Variants in SMYD4 observed in about 807,000 individuals in gnomAD.
SMYD4 encodes SET and MYND domain containing 4.
Under a neutral mutation model 72.8 loss-of-function variants are expected in SMYD4, and 68 were observed. The observed-to-expected ratio is 0.93, with a 90% CI of 0.77 to 1.14. SMYD4 has a LOEUF of 1.14. Ranked by LOEUF, SMYD4 falls within the 50% of genes most tolerant of loss-of-function variation. The pLI is 0.00. For synonymous variants in SMYD4, 407 were observed against 388.6 expected, an observed-to-expected ratio of 1.05 and a Z score of -0.56; for missense variants, 984 against 1,003.7, an observed-to-expected ratio of 0.98 and a Z score of 0.27.
At position 1,787,432 on chromosome 17, in the gene SMYD4, G is replaced by A; in HGVS notation, c.1710C>T (p.Leu570=). Reference sequence around the variant, plus strand: ...GGAGGGATGGCTCACCATAGCAGTGGAGAATCTCTTGCCCCTTTCTAATCC... The same window carrying A: ...GGAGGGATGGCTCACCATAGCAGTGAAGAATCTCTTGCCCCTTTCTAATCC... ...SQRIRKGQEI[L]HCYGPHKSRM... Residue 570 remains leucine (L), a synonymous_variant, in exon 6 of 11, where the codon CTC becomes CTT. Coordinates refer to ENST00000305513, the MANE Select transcript of SMYD4 (RefSeq NM_052928.3). 1.3e-6 allele frequency: 2 copies of A among 1,556,868 alleles called. No homozygotes were observed. The highest frequency in any genetic ancestry group is 1.7e-6 in the Non-Finnish European group (2 of 1,150,390).
chr17:1,813,683 T>C (rs1340002922), intron 2 of SMYD4, among the ~76,000 whole-genome samples: 5 of 152,138 alleles, frequency 3.3e-5, no homozygotes, highest in African/African-American at 1.2e-4. Context: ...CCCAAAGTGC[T>C]AGATCACAGG....
intron 4 of SMYD4, among the ~76,000 whole-genome samples, chr17:1,803,138 T>C (rs7209479): frequency 0.72 from 109,726 of 152,030 alleles, 40,472 homozygotes; most frequent in Non-Finnish European, 0.79. Flanking sequence ...CGAGACACTG[T>C]CTCAAAAAAA....
At chr17:1,794,567 C>T (rs1909290583) in intron 5 of SMYD4, among the ~76,000 whole-genome samples, 2 of 151,818 alleles carry the variant, frequency 1.3e-5, no homozygotes, top group East Asian at 3.8e-4. Flanking sequence ...GTTCACTTAC[C>T]TTTAACTAGA....
At chr17:1,791,609 C>T (rs1444623607) in intron 5 of SMYD4, among the ~76,000 whole-genome samples, 2 of 152,120 alleles carry the variant, frequency 1.3e-5, no homozygotes, top group Non-Finnish European at 2.9e-5. Context: ...GAAAGTGAAC[C>T]TTGCTGGTGG....
intron 2 of SMYD4, 99 bp from the exon 3 acceptor site, chr17:1,812,214 C>G (rs937159079): frequency 7.9e-7 from 1 of 1,272,036 alleles, no homozygotes; most frequent in African/African-American, 1.5e-5. Flanking sequence ...GCCCGCAAAA[C>G]ATTTCACACA....
In SMYD4 at chr17:1,788,483, C is replaced by T. The variant is rs534955730; in HGVS notation, c.1538-879G>A. Among the ~76,000 whole-genome samples, 8 of 152,222 alleles carry T rather than the reference C, an allele frequency of 5.3e-5. No individual in the cohort carries two copies. The South Asian group carries it at 8.3e-4, about 16-fold the overall frequency. On this transcript the variant is annotated intron_variant, in intron 5 of 10. Coordinates refer to ENST00000305513, the MANE Select transcript of SMYD4 (RefSeq NM_052928.3). ...CATTTTGGCCGGGCGCGGTGGCTCA[C>T]GCCTGTAATCCCAGTACTTTGGGAG...
intron 5 of SMYD4, among the ~76,000 whole-genome samples, chr17:1,792,475 G>A (rs980817033): frequency 2.0e-5 from 3 of 152,102 alleles, no homozygotes; most frequent in Admixed American, 6.5e-5. Context: ...GTGAAACCCT[G>A]TCTCTACTAA....
In SMYD4 at chr17:1,805,262, C is replaced by CA. The variant is rs552684137; in HGVS notation, c.280-548dup. Among the ~76,000 whole-genome samples the CA allele has an allele frequency of 2.1e-3, 324 of 151,382 alleles. 2 individuals are homozygous for CA. The highest frequency in any genetic ancestry group is 7.6e-3 in the African/African-American group (314 of 41,240). On this transcript the variant is annotated intron_variant, in intron 3 of 10. Transcript: ENST00000305513. ...CAAAACCCCGTCTCTACTAAAAATA[C>CA]AAAAAAATAGCAGGGCATGGTAATG...
intron 4 of SMYD4, among the ~76,000 whole-genome samples, chr17:1,803,824 A>C (rs989225952): frequency 2.0e-5 from 3 of 150,992 alleles, no homozygotes; most frequent in African/African-American, 2.4e-5. Flanking sequence ...GTCAATCAAC[A>C]CTATCCCATA....
At chr17:1,786,744 A>C in intron 7 of SMYD4, 66 bp downstream of exon 7, 1 of 1,597,738 alleles carries the variant, frequency 6.3e-7, no homozygotes. Flanking sequence ...CCTCCTAAAC[A>C]CTGATCACCC....
intron 7 of SMYD4, among the ~76,000 whole-genome samples, chr17:1,785,550 C>T (rs1217467221): frequency 1.3e-5 from 2 of 151,394 alleles, no homozygotes; most frequent in Non-Finnish European, 2.9e-5. Context: ...GCCAGGAGAT[C>T]GAGACCAGCC....
chr17:1,806,909 T>TA (rs932003906), intron 3 of SMYD4, among the ~76,000 whole-genome samples: 1 of 152,096 alleles, frequency 6.6e-6, no homozygotes, highest in African/African-American at 2.4e-5. Flanking sequence ...TTCTTTTTTT[T>TA]AGACAGAGTC....
At chr17:1,824,922 G>T (rs1911088734) in intron 2 of SMYD4, among the ~76,000 whole-genome samples, 1 of 152,188 alleles carries the variant, frequency 6.6e-6, no homozygotes, top group Non-Finnish European at 1.5e-5. Flanking sequence ...ACCGCGCCCG[G>T]TGAAATCTGA....
intron 6 of SMYD4, 38 bp downstream of exon 6, chr17:1,787,384 G>C: frequency 6.5e-7 from 1 of 1,548,870 alleles, no homozygotes; most frequent in Non-Finnish European, 8.7e-7. Context: ...CTTTTCTGTT[G>C]GAGAAGGGCA....
intron 3 of SMYD4, among the ~76,000 whole-genome samples, chr17:1,806,103 T>C (rs1457893127): frequency 6.6e-6 from 1 of 151,800 alleles, no homozygotes; most frequent in Non-Finnish European, 1.5e-5. Context: ...TTTTTGTATT[T>C]TTTAGTAGAG....
intron 5 of SMYD4, among the ~76,000 whole-genome samples, chr17:1,799,625 C>T (rs1407611476): frequency 6.6e-6 from 1 of 152,028 alleles, no homozygotes; most frequent in African/African-American, 2.4e-5. Context: ...CTGCTCACCT[C>T]GGCCTCCCAA....
At chr17:1,809,944 A>G (rs1435157883) in intron 3 of SMYD4, among the ~76,000 whole-genome samples, 2 of 152,090 alleles carry the variant, frequency 1.3e-5, no homozygotes, top group Admixed American at 6.6e-5. Flanking sequence ...TACAGGTGTG[A>G]GCCACTGTGT....
At chr17:1,805,839 AATATAT>A (rs10560052) in intron 3 of SMYD4, among the ~76,000 whole-genome samples, 3 of 148,178 alleles carry the variant, frequency 2.0e-5, no homozygotes, top group East Asian at 3.9e-4. Flanking sequence ...ATAAAATAAT[AATATAT>A]ATATATATGT....
chr17:1,793,323 G>C (rs1315214032), intron 5 of SMYD4, among the ~76,000 whole-genome samples: 1 of 151,948 alleles, frequency 6.6e-6, no homozygotes, highest in Non-Finnish European at 1.5e-5. Flanking sequence ...TTTTTTTGGG[G>C]GGATTGTTAA....
Sources: allele counts gnomAD v4.1 joint callset (sites outside exome capture counted in the v4.1 genomes callset), GRCh38; gene constraint gnomAD v4.1.1; transcripts MANE v1.5; gene names NCBI Gene and HGNC (gene_info 2026-07-23, HGNC 2026-07-21).